UTRN: variants seen among roughly 807,000 people sequenced by gnomAD.
The protein encoded by UTRN is utrophin, also known as dystrophin-related protein 1.
Under a neutral mutation model 463.9 loss-of-function variants are expected in UTRN, and 283 were observed. The ratio of observed to expected loss-of-function variants is 0.61; its 90% CI spans 0.55 to 0.67. The LOEUF is 0.67. Among genes scored for constraint, UTRN ranks in the 30% least tolerant of loss-of-function variants. The pLI, the probability that UTRN is intolerant of heterozygous loss-of-function variation, is 0.00. For synonymous variants in UTRN, 1,442 were observed against 1,431.5 expected, an observed-to-expected ratio of 1.01 and a Z score of -0.17; for missense variants, 3,922 against 4,084.3, an observed-to-expected ratio of 0.96 and a Z score of 1.08.
chr6:144,411,670 G>T (rs1783908382), intron 3 of UTRN, among the ~76,000 whole-genome samples: 3 of 152,152 alleles, frequency 2.0e-5, no homozygotes, highest in Non-Finnish European at 2.9e-5. Flanking sequence ...GAAGGTAGGT[G>T]CACATTTACT....
intron 52 of UTRN, among the ~76,000 whole-genome samples, chr6:144,683,280 A>G (rs925398528): frequency 1.3e-5 from 2 of 152,206 alleles, no homozygotes; most frequent in African/African-American, 4.8e-5. Context: ...CCTGTCGTCA[A>G]GTGGACCGTA....
chr6:144,551,158 C>CAA, intron 48 of UTRN, 76 bp downstream of exon 48: 2 of 832,688 alleles, frequency 2.4e-6, no homozygotes, highest in Non-Finnish European at 3.7e-6. Context: ...CACACACACA[C>CAA]ACACACACAC....
intron 23 of UTRN, among the ~76,000 whole-genome samples, chr6:144,472,876 T>C (rs1025821321): frequency 6.6e-6 from 1 of 151,750 alleles, no homozygotes; most frequent in African/African-American, 2.4e-5. Flanking sequence ...CAAGCTATTC[T>C]CCTGCCTAAG....
chr6:144,540,042 CA>C (rs34524619), intron 45 of UTRN, among the ~76,000 whole-genome samples: 126 of 121,258 alleles, frequency 1.0e-3, no homozygotes, highest in Admixed American at 1.1e-3. Context: ...GACCCTGTCT[CA>C]AAAAAAAAAA....
intron 4 of UTRN, 103 bp downstream of exon 4, chr6:144,422,073 C>T (rs1244816139): frequency 1.2e-5 from 10 of 869,084 alleles, no homozygotes; most frequent in African/African-American, 3.5e-5. Context: ...TTTTACTTTA[C>T]GTTCAAATGT....
intron 51 of UTRN, among the ~76,000 whole-genome samples, chr6:144,619,715 GGACAAAGTTAGATGACAAAGAAGAA>G (rs1262342194): frequency 6.6e-6 from 1 of 152,146 alleles, no homozygotes; most frequent in Non-Finnish European, 1.5e-5. Flanking sequence ...AAAGTTAGAT[GGACAAAGTTAGATGACAAAGAAGAA>G]GACAAAGTTA....
chr6:144,462,563 A>T, intron 22 of UTRN, 91 bp from the exon 23 acceptor site: 1 of 1,232,570 alleles, frequency 8.1e-7, no homozygotes. Flanking sequence ...AATGCATTTT[A>T]AAGTGACTTT....
chr6:144,355,627 C>T (rs530082553), intron 2 of UTRN, among the ~76,000 whole-genome samples: 2 of 151,748 alleles, frequency 1.3e-5, no homozygotes, highest in South Asian at 2.1e-4. Flanking sequence ...ATATTTTTGC[C>T]GTTTTGAAAT....
At chr6:144,780,956 C>T (rs1775776413) in intron 60 of UTRN, among the ~76,000 whole-genome samples, 1 of 152,326 alleles carries the variant, frequency 6.6e-6, no homozygotes, top group South Asian at 2.1e-4. Flanking sequence ...CTCCAGGGAG[C>T]CTTTTCCAGT....
intron 21 of UTRN, among the ~76,000 whole-genome samples, chr6:144,460,794 G>A (rs1442616457): frequency 6.6e-6 from 1 of 152,194 alleles, no homozygotes; most frequent in Non-Finnish European, 1.5e-5. Context: ...CCTCCACTCT[G>A]GACCTGGGTT....
chr6:144,616,276 C>T (rs950052488), intron 51 of UTRN, among the ~76,000 whole-genome samples: 3 of 152,022 alleles, frequency 2.0e-5, no homozygotes, highest in African/African-American at 7.2e-5. Flanking sequence ...ATTATAATTA[C>T]CATTATTGCT....
intron 3 of UTRN, among the ~76,000 whole-genome samples, chr6:144,417,029 TTC>T (rs1450190046): frequency 6.6e-6 from 1 of 152,224 alleles, no homozygotes; most frequent in East Asian, 1.9e-4. Context: ...CATAGATGAC[TTC>T]TGACATTTCC....
At chr6:144,336,086 C>G (rs552862821) in intron 2 of UTRN, among the ~76,000 whole-genome samples, 2 of 152,278 alleles carry the variant, frequency 1.3e-5, no homozygotes, top group South Asian at 4.1e-4. Context: ...GAGTGGCCAA[C>G]ATCCTCAGAT....
chr6:144,307,240 G>A lies in UTRN; in HGVS notation c.79+15333G>A, dbSNP rs145813984. On this transcript the variant is annotated intron_variant, in intron 2 of 74. Transcript: ENST00000367545. ...TTAGTAGATATTATTAGTTGATGCC[G>A]CAGTTGTTGACTGTATTTATCTCCC... Among the ~76,000 whole-genome samples, 474 of 152,288 alleles carry A rather than the reference G, an allele frequency of 3.1e-3. 5 individuals are homozygous for A. The highest frequency in any genetic ancestry group is 9.6e-3 in the African/African-American group (399 of 41,542).
At chr6:144,761,670 T>C (rs1562875038) in intron 58 of UTRN, among the ~76,000 whole-genome samples, 1 of 151,560 alleles carries the variant, frequency 6.6e-6, no homozygotes, top group Non-Finnish European at 1.5e-5. Context: ...ATAATAATAA[T>C]AAATAAAGAG....
chr6:144,464,527 T>G (rs935708025), intron 23 of UTRN, among the ~76,000 whole-genome samples: 4 of 151,334 alleles, frequency 2.6e-5, no homozygotes, highest in South Asian at 2.1e-4. Flanking sequence ...TGAGATGGAG[T>G]CTTGCTCTGT....
chr6:144,688,797 CT>C (rs1445886553), intron 52 of UTRN, among the ~76,000 whole-genome samples: 1 of 152,120 alleles, frequency 6.6e-6, no homozygotes, highest in Non-Finnish European at 1.5e-5. Flanking sequence ...GTGGTGTGCA[CT>C]TATTTATTTT....
At chr6:144,412,762 T>TACACACACACACACACAC (rs149751810) in intron 3 of UTRN, among the ~76,000 whole-genome samples, 6 of 144,272 alleles carry the variant, frequency 4.2e-5, no homozygotes, top group South Asian at 2.2e-4. Flanking sequence ...ACACACACCA[T>TACACACACACACACACAC]ACACACACAC....
intron 51 of UTRN, among the ~76,000 whole-genome samples, chr6:144,628,165 A>G (rs370448886): frequency 1.3e-5 from 2 of 152,022 alleles, no homozygotes; most frequent in Admixed American, 6.6e-5. Context: ...TTTATCATCT[A>G]TGGGTACTTG....
Sources: gnomAD v4.1 joint callset for allele counts (sites outside exome capture counted in the v4.1 genomes callset) on GRCh38, gnomAD v4.1.1 for gene constraint, MANE v1.5 for transcripts, NCBI Gene and HGNC (gene_info 2026-07-23, HGNC 2026-07-21) for gene names.